Variants in RAP1GAP observed in about 807,000 individuals in gnomAD.
RAP1GAP encodes RAP1 GTPase activating protein.
Under a neutral mutation model 87.2 loss-of-function variants are expected in RAP1GAP, and 35 were observed. The ratio of observed to expected loss-of-function variants is 0.40; its 90% CI spans 0.31 to 0.53. RAP1GAP has a LOEUF of 0.53. Among genes scored for constraint, RAP1GAP ranks in the 20% least tolerant of loss-of-function variants. The pLI is 0.48. For synonymous variants in RAP1GAP, 375 were observed against 363.9 expected, an observed-to-expected ratio of 1.03 and a Z score of -0.35; for missense variants, 734 against 898.9, an observed-to-expected ratio of 0.82 and a Z score of 2.35.
chr1:21,619,181 AG>A, intron 4 of RAP1GAP, 109 bp from the exon 5 acceptor site: 1 of 1,192,080 alleles, frequency 8.4e-7, no homozygotes, highest in African/African-American at 1.5e-5. Flanking sequence ...CCGCGAAGGT[AG>A]GGGTACTCCC....
In RAP1GAP at chr1:21,618,888, C is replaced by A. The variant is rs138930053; in HGVS notation, c.66+137G>T. ...CCCTGCTAGAAGCTGTGCCTCCCCCCCTACCCCCGCACCTGGCACACTGTA... is the reference window on the plus strand; with the variant it reads ...CCCTGCTAGAAGCTGTGCCTCCCCCACTACCCCCGCACCTGGCACACTGTA... On this transcript the variant is annotated intron_variant, in intron 5 of 24. Transcript: ENST00000374765. 304 of 1,017,912 alleles carry A rather than the reference C, an allele frequency of 3.0e-4. 1 individual carries two copies. In the East Asian group the frequency reaches 5.2e-3, roughly 17 times the overall value. The allele number at this position is 1,017,912 out of a possible 1,614,324, so 63.1% of individuals were successfully genotyped here. A position where few individuals can be genotyped will look rare whatever the true frequency, so the allele number is the denominator to read the frequency against.
chr1:21,636,053 T>C (rs2094618681), intron 2 of RAP1GAP, among the ~76,000 whole-genome samples: 2 of 152,192 alleles, frequency 1.3e-5, no homozygotes, highest in South Asian at 2.1e-4. Flanking sequence ...AGCTACAAAA[T>C]GGGAGAGTAA....
intron 17 of RAP1GAP, among the ~76,000 whole-genome samples, chr1:21,607,053 C>T (rs2075144648): frequency 6.6e-6 from 1 of 152,216 alleles, no homozygotes; most frequent in Non-Finnish European, 1.5e-5. Flanking sequence ...CGGGCTAATT[C>T]CCTTATTCCA....
intron 2 of RAP1GAP, among the ~76,000 whole-genome samples, chr1:21,631,413 C>T (rs559701691): frequency 1.2e-4 from 19 of 152,320 alleles, no homozygotes; most frequent in South Asian, 6.2e-4. Flanking sequence ...AGGCTGGGCA[C>T]GGTGGCTCAC....
At chr1:21,652,918 T>C (rs1216868190) in intron 1 of RAP1GAP, among the ~76,000 whole-genome samples, 3 of 152,074 alleles carry the variant, frequency 2.0e-5, no homozygotes, top group African/African-American at 7.2e-5. Flanking sequence ...GTCTCAAGGT[T>C]TGCTATGGGA....
chr1:21,639,593 G>C (rs2095306146), intron 2 of RAP1GAP, among the ~76,000 whole-genome samples: 1 of 152,194 alleles, frequency 6.6e-6, no homozygotes, highest in South Asian at 2.1e-4. Flanking sequence ...TTAAATGAGA[G>C]AATGCACGTG....
chr1:21,598,227 C>T (rs1369699752), intron 22 of RAP1GAP, 163 bp from the exon 23 acceptor site: 3 of 755,328 alleles, frequency 4.0e-6, no homozygotes, highest in African/African-American at 3.5e-5. Context: ...AAGAAACCAG[C>T]CCTCCAATCC....
At chr1:21,620,124 C>T in intron 3 of RAP1GAP, 74 bp from the exon 4 acceptor site, 1 of 1,529,002 alleles carries the variant, frequency 6.5e-7, no homozygotes, top group Non-Finnish European at 9.0e-7. Context: ...CCGCCCCGGC[C>T]CTCCGGGTCC....
In RAP1GAP at chr1:21,632,531, A is replaced by C. The variant is rs1163532226; in HGVS notation, c.-112-6134T>G. 2.0e-5 allele frequency among the ~76,000 whole-genome samples: 3 copies of C among 152,196 alleles called. No homozygotes were observed. In the East Asian group the frequency reaches 5.8e-4, roughly 29 times the overall value. The stretch of plus-strand genomic sequence containing the variant: ...GTCAGCCAATAAGGCCGTGAGCAGC[A>C]GATCAGGGATAAGAACACAGGCCTT... On this transcript the variant is annotated intron_variant, in intron 2 of 24. Transcript: ENST00000374765.
At chr1:21,637,318 G>A (rs1571128728) in intron 2 of RAP1GAP, among the ~76,000 whole-genome samples, 1 of 46,826 alleles carries the variant, frequency 2.1e-5, no homozygotes, top group Non-Finnish European at 5.5e-5. Flanking sequence ...CACCACATCC[G>A]GCTAATTTTT....
intron 2 of RAP1GAP, among the ~76,000 whole-genome samples, chr1:21,642,413 T>G (rs1469278010): frequency 6.6e-6 from 1 of 152,140 alleles, no homozygotes; most frequent in Non-Finnish European, 1.5e-5. Context: ...ATCTTCCAGG[T>G]AGTACTTTTA....
chr1:21,660,355 A>C (rs1370533635), intron 1 of RAP1GAP, among the ~76,000 whole-genome samples: 1 of 137,658 alleles, frequency 7.3e-6, no homozygotes, highest in African/African-American at 2.6e-5. Context: ...ATATTTATTG[A>C]GACAGTCTCG....
intron 2 of RAP1GAP, among the ~76,000 whole-genome samples, chr1:21,630,420 A>C (rs958326247): frequency 6.6e-6 from 1 of 151,046 alleles, no homozygotes; most frequent in Non-Finnish European, 1.5e-5. Context: ...AGGCACCACC[A>C]TGCCCAGCTA....
chr1:21,629,834 G>A (rs1370897685), intron 2 of RAP1GAP, among the ~76,000 whole-genome samples: 1 of 152,174 alleles, frequency 6.6e-6, no homozygotes, highest in Non-Finnish European at 1.5e-5. Flanking sequence ...GCTCACACAG[G>A]CAATGAGGCA....
At chr1:21,605,939 C>A in intron 18 of RAP1GAP, 127 bp downstream of exon 18, 1 of 1,238,004 alleles carries the variant, frequency 8.1e-7, no homozygotes, top group South Asian at 1.4e-5. Flanking sequence ...AGACCAAATC[C>A]AGAGCCTAGG....
At chr1:21,636,693 G>A (rs1294512382) in intron 2 of RAP1GAP, among the ~76,000 whole-genome samples, 1 of 151,984 alleles carries the variant, frequency 6.6e-6, no homozygotes, top group African/African-American at 2.4e-5. Flanking sequence ...TGTAATCCCA[G>A]CTACCCGGGA....
rs1190110510 is a variant in RAP1GAP at position 21,633,540 on chromosome 1, G to T, written c.-112-7143C>A. On this transcript the variant is annotated intron_variant, in intron 2 of 24. Transcript: ENST00000374765. The stretch of plus-strand genomic sequence containing the variant: ...GGCTGGGACCGGGAGCAGGGGAATG[G>T]GGATCTGGACAGGTGACAGTGCCTG... Among the ~76,000 whole-genome samples, 3 of 152,188 alleles carry T rather than the reference G, an allele frequency of 2.0e-5. No homozygotes were observed. The East Asian group carries it at 5.8e-4, about 29-fold the overall frequency.
Position 21,612,046 on chromosome 1 carries a change from T to C in RAP1GAP, c.592A>G (p.Ile198Val). ...CACACCTGCCCAAGCTTCTGATAAA[T>C]GACGCCAAACTTGAAGTTATTGCTG... ...VISNNFKFGV[I>V]YQKLGQTSEE... is the part of the protein sequence containing the mutation. The change falls in exon 11 of 25, where the codon ATT (isoleucine) becomes GTT (valine). Residue 198 changes from isoleucine (I) to valine (V), a missense_variant. By Grantham distance (29) the Ile-to-Val change is conservative. Around this residue, in one of 2 missense-constraint regions of RAP1GAP, gnomAD observed 485 missense variants for 646.2 expected, o/e 0.75. Coordinates refer to ENST00000374765, the MANE Select transcript of RAP1GAP (RefSeq NM_002885.4). 1 of 1,554,852 alleles carries C rather than the reference T, an allele frequency of 6.4e-7. No homozygotes were observed. The highest frequency in any genetic ancestry group is 8.7e-7 in the Non-Finnish European group (1 of 1,148,328).
rs2149755698 is a variant in RAP1GAP, at chr1:21,618,955, C to T, written c.66+70G>A. The T allele has an allele frequency of 2.1e-6, 3 of 1,444,046 alleles. 1 individual carries two copies. The highest frequency in any genetic ancestry group is 2.5e-5 in the South Asian group (2 of 81,602). The allele number at this position is 1,444,046 out of a possible 1,614,324, so 89.5% of individuals were successfully genotyped here. On this transcript the variant is annotated intron_variant, in intron 5 of 24. Transcript: ENST00000374765. Reference sequence around the variant, plus strand: ...GGGGATGGATTTCCTGCTTGATGGGCAGTGGTGGCAGCACTTCCCGGACCC... The same window carrying T: ...GGGGATGGATTTCCTGCTTGATGGGTAGTGGTGGCAGCACTTCCCGGACCC...
Sources: gnomAD v4.1 joint callset for allele counts (sites outside exome capture counted in the v4.1 genomes callset) on GRCh38, gnomAD v4.1.1 for gene constraint, gnomAD v4.1.1 regional missense constraint, MANE v1.5 for transcripts, NCBI Gene and HGNC (gene_info 2026-07-23, HGNC 2026-07-21) for gene names.